Variants in FRMPD4 observed in about 807,000 individuals in gnomAD.
FRMPD4 encodes the protein FERM and PDZ domain-containing protein 4.
Under a neutral mutation model 94.1 loss-of-function variants are expected in FRMPD4, and 22 were observed. The observed-to-expected ratio is 0.23, with a 90% CI of 0.17 to 0.33. The LOEUF is 0.33. Among genes scored for constraint, FRMPD4 ranks in the 10% least tolerant of loss-of-function variants. The pLI is 1.00. For synonymous variants in FRMPD4, 631 were observed against 548.6 expected (o/e 1.15, Z -2.10); for missense variants, 1,111 against 1,339.9 (o/e 0.83, Z 2.67).
chrX:12,457,605 A>T (rs1471296471), intron 1 of FRMPD4, among the ~76,000 whole-genome samples: 1 of 111,868 alleles, frequency 8.9e-6, no homozygotes, highest in Admixed American at 9.5e-5. Flanking sequence ...TAAGTGGTGG[A>T]GCCAGGATTC....
chrX:12,066,437 C>T (rs145137506), intron 3 of FRMPD4, among the ~76,000 whole-genome samples: 84 of 111,668 alleles, frequency 7.5e-4, no homozygotes, highest in African/African-American at 2.5e-3. Flanking sequence ...GAGCATGATG[C>T]GCACAGGAAC....
intron 3 of FRMPD4, among the ~76,000 whole-genome samples, chrX:11,899,637 G>T (rs1413783451): frequency 9.0e-6 from 1 of 111,544 alleles, no homozygotes; most frequent in Non-Finnish European, 1.9e-5. Flanking sequence ...GGACTATTAC[G>T]TGAAAAATTT....
intron 1 of FRMPD4, among the ~76,000 whole-genome samples, chrX:12,357,171 A>C (rs1320909612): frequency 2.7e-5 from 3 of 112,299 alleles, no homozygotes; most frequent in Non-Finnish European, 5.6e-5. Flanking sequence ...CCAGTAAATA[A>C]GTAGATACCT....
intron 1 of FRMPD4, among the ~76,000 whole-genome samples, chrX:12,497,926 A>G (rs1047926033): frequency 3.6e-5 from 4 of 110,938 alleles, no homozygotes; most frequent in South Asian, 3.9e-4. Context: ...ACCTAGTGCG[A>G]GAGTGCCCAG....
intron 1 of FRMPD4, among the ~76,000 whole-genome samples, chrX:11,840,306 C>A (rs1253476516): frequency 9.0e-6 from 1 of 111,135 alleles, no homozygotes; most frequent in East Asian, 2.8e-4. Flanking sequence ...AATGTATTCC[C>A]AAGTTTTTAT....
chrX:12,515,134 A>T (rs769569679), intron 2 of FRMPD4, among the ~76,000 whole-genome samples: 10 of 110,285 alleles, frequency 9.1e-5, no homozygotes, highest in Non-Finnish European at 1.5e-4. Flanking sequence ...TGTTTTATTA[A>T]TTTTTTCAAA....
intron 3 of FRMPD4, among the ~76,000 whole-genome samples, chrX:12,111,846 G>A (rs1448504713): frequency 8.9e-5 from 10 of 111,930 alleles, no homozygotes; most frequent in Non-Finnish European, 3.8e-5. Context: ...TCAGAGAAAT[G>A]CAAATCAAAA....
At chrX:12,277,893 A>T (rs533160213) in intron 1 of FRMPD4, among the ~76,000 whole-genome samples, 1 of 112,426 alleles carries the variant, frequency 8.9e-6, no homozygotes, top group African/African-American at 3.2e-5. Context: ...CAGCACAGGT[A>T]TGAAACTTTT....
intron 3 of FRMPD4, among the ~76,000 whole-genome samples, chrX:12,044,503 A>C (rs1054526682): frequency 8.9e-6 from 1 of 112,186 alleles, no homozygotes; most frequent in Admixed American, 9.5e-5. Flanking sequence ...ACCAGGGAGG[A>C]TGTGCAAAGG....
intron 3 of FRMPD4, among the ~76,000 whole-genome samples, chrX:11,919,444 T>C (rs1426724441): frequency 9.0e-6 from 1 of 111,046 alleles, no homozygotes; most frequent in Non-Finnish European, 1.9e-5. Flanking sequence ...ACAGGGCCAA[T>C]AGGGAGTGGG....
intron 11 of FRMPD4, among the ~76,000 whole-genome samples, chrX:12,705,216 A>G (rs888974328): frequency 8.9e-6 from 1 of 112,117 alleles, no homozygotes; most frequent in African/African-American, 3.2e-5. Context: ...TGTTTTCATT[A>G]AGTAAGAGAA....
intron 3 of FRMPD4, among the ~76,000 whole-genome samples, chrX:11,980,706 T>C (rs1461417935): frequency 7.1e-5 from 8 of 112,128 alleles, no homozygotes; most frequent in Non-Finnish European, 1.5e-4. Flanking sequence ...TTTTCACAAA[T>C]TGAACATGCT....
chrX:11,882,263 GA>G (rs1241877286), intron 3 of FRMPD4, among the ~76,000 whole-genome samples: 1 of 110,699 alleles, frequency 9.0e-6, no homozygotes, highest in South Asian at 3.9e-4. Flanking sequence ...TTCAGGGGAG[GA>G]GGAGGACATT....
chrX:12,448,858 T>C (rs976260693), intron 1 of FRMPD4, among the ~76,000 whole-genome samples: 1 of 111,769 alleles, frequency 8.9e-6, no homozygotes, highest in Admixed American at 9.5e-5. Flanking sequence ...ACCAATCCAA[T>C]ATACACACAA....
chrX:12,555,832 T>A (rs1569334437), intron 2 of FRMPD4, among the ~76,000 whole-genome samples: 1 of 112,476 alleles, frequency 8.9e-6, no homozygotes, highest in Non-Finnish European at 1.9e-5. Flanking sequence ...TAATTGGAAA[T>A]AACAAAATTC....
chrX:12,380,692 C>T (rs1346112985), intron 1 of FRMPD4, among the ~76,000 whole-genome samples: 1 of 112,295 alleles, frequency 8.9e-6, no homozygotes, highest in Non-Finnish European at 1.9e-5. Flanking sequence ...GGGAAGAGTT[C>T]TGTGATGCTG....
At chrX:12,316,953 T>A (rs1354568843) in intron 1 of FRMPD4, among the ~76,000 whole-genome samples, 3 of 111,948 alleles carry the variant, frequency 2.7e-5, no homozygotes, top group African/African-American at 9.7e-5. Context: ...ATTTTTAGTG[T>A]TAGTAAAATC....
intron 2 of FRMPD4, among the ~76,000 whole-genome samples, chrX:12,602,969 G>A (rs1195281880): frequency 8.9e-6 from 1 of 112,202 alleles, no homozygotes; most frequent in Non-Finnish European, 1.9e-5. Flanking sequence ...GTACTGGAAA[G>A]GAATGTGGCA....
intron 1 of FRMPD4, among the ~76,000 whole-genome samples, chrX:12,272,875 C>T (rs1282077916): frequency 9.0e-6 from 1 of 111,004 alleles, no homozygotes; most frequent in Non-Finnish European, 1.9e-5. Flanking sequence ...TTGAGACCAG[C>T]CTGGTCAACA....
Sources: gnomAD v4.1 joint callset for allele counts (sites outside exome capture counted in the v4.1 genomes callset) on GRCh38, gnomAD v4.1.1 for gene constraint, MANE v1.5 for transcripts, NCBI Gene and HGNC (gene_info 2026-07-23, HGNC 2026-07-21) for gene names.